The following CBL variants were observed in gnomAD, a reference collection of about 807,000 sequenced individuals.
The protein encoded by CBL is E3 ubiquitin-protein ligase CBL.
Under a neutral mutation model 96.9 loss-of-function variants are expected in CBL, and 45 were observed. The ratio of observed to expected loss-of-function variants is 0.46; its 90% CI spans 0.37 to 0.60. CBL has a LOEUF of 0.60. Among genes scored for constraint, CBL ranks in the 20% least tolerant of loss-of-function variants. CBL has a pLI of 0.00. For synonymous variants in CBL, 420 were observed against 426.8 expected, an observed-to-expected ratio of 0.98 and a Z score of 0.20; for missense variants, 1,024 against 1,143.5, an observed-to-expected ratio of 0.90 and a Z score of 1.51.
In CBL at chr11:119,285,066, C is replaced by T; in HGVS notation, c.1529C>T (p.Pro510Leu). 1 of 1,614,184 alleles carries T rather than the reference C, an allele frequency of 6.2e-7. No individual in the cohort carries two copies. Among genetic ancestry groups the T allele is most frequent in the Non-Finnish European group, 8.5e-7 (1 of 1,180,038 alleles). ...LDLLPQRVCVPSSASALGTAS... is the reference protein window; with the variant it reads ...LDLLPQRVCVLSSASALGTAS... ...CTTCTGCCGCAGCGAGTATGTGTTC[C>T]CTCAAGTGCTTCTGCTCTTGGAACT... Residue 510 changes from proline (P) to leucine (L), a missense_variant, in exon 10 of 16, where the codon CCC (proline) becomes CTC (leucine). Transcript: ENST00000264033.
intron 2 of CBL, among the ~76,000 whole-genome samples, chr11:119,235,725 A>G (rs568780757): frequency 2.8e-4 from 43 of 152,340 alleles, no homozygotes; most frequent in African/African-American, 6.3e-4. Flanking sequence ...GTTAAGGCTC[A>G]ACTATATCTA....
At chr11:119,214,339 T>C (rs994845147) in intron 1 of CBL, among the ~76,000 whole-genome samples, 89 of 151,994 alleles carry the variant, frequency 5.9e-4, no homozygotes, top group African/African-American at 2.0e-3. Flanking sequence ...CACCTCTGCC[T>C]CCTGGGTTCA....
At chr11:119,272,108 C>T (rs1949853235) in intron 3 of CBL, among the ~76,000 whole-genome samples, 1 of 152,082 alleles carries the variant, frequency 6.6e-6, no homozygotes, top group South Asian at 2.1e-4. Flanking sequence ...ATACTCTTCC[C>T]TTTCTCTCCC....
At chr11:119,211,619 T>G (rs1731038639) in intron 1 of CBL, among the ~76,000 whole-genome samples, 1 of 151,960 alleles carries the variant, frequency 6.6e-6, no homozygotes, top group Admixed American at 6.5e-5. Flanking sequence ...TTCTCTTGCC[T>G]TAGCCTCCCA....
At chr11:119,217,208 C>T (rs186707177) in intron 1 of CBL, among the ~76,000 whole-genome samples, 3 of 152,276 alleles carry the variant, frequency 2.0e-5, no homozygotes, top group Admixed American at 1.3e-4. Context: ...GCCTCCACCT[C>T]CTAGGTTCAA....
chr11:119,292,017 T>A (rs1398100649), intron 12 of CBL, among the ~76,000 whole-genome samples: 3 of 152,160 alleles, frequency 2.0e-5, no homozygotes, highest in South Asian at 2.1e-4. Flanking sequence ...CATGCCTGGC[T>A]AATTTTTGTA....
intron 1 of CBL, among the ~76,000 whole-genome samples, chr11:119,216,849 C>G (rs1193162416): frequency 6.6e-6 from 1 of 152,100 alleles, no homozygotes; most frequent in Non-Finnish European, 1.5e-5. Flanking sequence ...CCATTCCCTC[C>G]CATCTCCCTA....
chr11:119,210,893 G>A (rs1173149416), intron 1 of CBL, among the ~76,000 whole-genome samples: 1 of 151,982 alleles, frequency 6.6e-6, no homozygotes, highest in African/African-American at 2.4e-5. Flanking sequence ...ACACCCAGTG[G>A]ATGCCTGAAA....
At chr11:119,273,524 G>A (rs1949864087) in intron 3 of CBL, among the ~76,000 whole-genome samples, 1 of 152,162 alleles carries the variant, frequency 6.6e-6, no homozygotes, top group Admixed American at 6.5e-5. Context: ...AAGTTCAAGT[G>A]ATTTTCCCCC....
At chr11:119,247,914 T>C (rs1205838119) in intron 2 of CBL, among the ~76,000 whole-genome samples, 5 of 152,076 alleles carry the variant, frequency 3.3e-5, no homozygotes, top group Non-Finnish European at 7.4e-5. Flanking sequence ...TACTTAGGAA[T>C]AAAATTAAGG....
chr11:119,281,678 T>G (rs1037591240), intron 9 of CBL, among the ~76,000 whole-genome samples: 2 of 151,892 alleles, frequency 1.3e-5, no homozygotes, highest in Non-Finnish European at 2.9e-5. Context: ...TTTGTATTTT[T>G]AGTAGAAACA....
In CBL at chr11:119,277,820, C is replaced by T. The variant is rs397517075; in HGVS notation, c.1071C>T (p.Pro357=). The change falls in exon 7 of 16, where the codon CCC becomes CCT. Residue 357 remains proline (P), a synonymous_variant. Transcript: ENST00000264033. The part of the protein sequence containing the change: ...PDLTGLCEPT[P]QDHIKVTQEQ... The stretch of plus-strand genomic sequence containing the variant: ...TGACTGGCTTATGTGAACCAACTCC[C>T]CAAGACCATATCAAAGTGACCCAGG... The T allele has an allele frequency of 8.7e-6, 14 of 1,613,416 alleles. No individual in the cohort carries two copies. The East Asian group carries it at 3.1e-4, about 36-fold the overall frequency.
At chr11:119,270,241 CTTTTTTTT>C (rs768214554) in intron 2 of CBL, among the ~76,000 whole-genome samples, 2 of 119,818 alleles carry the variant, frequency 1.7e-5, no homozygotes, top group African/African-American at 3.1e-5. Context: ...TGTGTGACAT[CTTTTTTTT>C]TTTTTTTTTT....
At position 119,302,976 on chromosome 11, in the gene CBL, A is replaced by G. The variant is rs1368649809; in HGVS notation, c.*3195A>G. ...CAAGATGTGGGATACTACTGTTAGTATTATTTAACTATTTTGTAGATTTAA... is the reference window on the plus strand; with the variant it reads ...CAAGATGTGGGATACTACTGTTAGTGTTATTTAACTATTTTGTAGATTTAA... On this transcript the variant is annotated 3_prime_UTR_variant, in exon 16 of 16. Coordinates refer to ENST00000264033, the MANE Select transcript of CBL (RefSeq NM_005188.4). The G allele has an allele frequency of 4.4e-6, 1 of 228,316 alleles. No homozygotes were observed. The highest frequency in any genetic ancestry group is 6.3e-5 in the East Asian group (1 of 15,948). 14.1% of individuals were successfully genotyped at this position (228,316 alleles called of 1,614,324 possible). A position where few individuals can be genotyped will look rare whatever the true frequency, so the allele number is the denominator to read the frequency against.
chr11:119,239,474 A>T (rs1242050962), intron 2 of CBL, among the ~76,000 whole-genome samples: 1 of 152,182 alleles, frequency 6.6e-6, no homozygotes, highest in East Asian at 1.9e-4. Context: ...GAACTTACTT[A>T]TTGGCTCTAG....
intron 2 of CBL, among the ~76,000 whole-genome samples, chr11:119,259,475 A>C (rs1293396282): frequency 4.6e-5 from 7 of 152,200 alleles, no homozygotes; most frequent in Non-Finnish European, 1.0e-4. Flanking sequence ...TAGAGCCACT[A>C]TGCAAAAGTA....
chr11:119,303,635 G>A lies in CBL; in HGVS notation c.*3854G>A, dbSNP rs115544781. On this transcript the variant is annotated 3_prime_UTR_variant, in exon 16 of 16. Coordinates refer to ENST00000264033, the MANE Select transcript of CBL (RefSeq NM_005188.4). ...CTCCCATTATCCCCTGTTGTCTCCT[G>A]TAGCTTTGATAATGCCTGGGAGATT... 7.0e-3 allele frequency: 1,636 copies of A among 233,706 alleles called. 21 individuals carry two copies. Among genetic ancestry groups the A allele is most frequent in the African/African-American group, 0.026 (1,160 of 45,458 alleles). 14.5% of individuals were successfully genotyped at this position (233,706 alleles called of 1,614,324 possible).
intron 1 of CBL, among the ~76,000 whole-genome samples, chr11:119,214,893 A>ATT (rs774184469): frequency 9.4e-4 from 111 of 117,942 alleles, no homozygotes; most frequent in African/African-American, 3.0e-3. Context: ...CTGGTAGGGA[A>ATT]TTTTTTTTTT....
At chr11:119,295,598 A>G (rs1192878684) in intron 12 of CBL, among the ~76,000 whole-genome samples, 1 of 152,104 alleles carries the variant, frequency 6.6e-6, no homozygotes, top group African/African-American at 2.4e-5. Flanking sequence ...GTATTGTGGC[A>G]CATGTCTAGT....
Sources: allele counts gnomAD v4.1 joint callset (sites outside exome capture counted in the v4.1 genomes callset), GRCh38; gene constraint gnomAD v4.1.1; transcripts MANE v1.5; gene names NCBI Gene and HGNC (gene_info 2026-07-23, HGNC 2026-07-21).